Variants in RBFOX1 observed in about 807,000 individuals in gnomAD.
RBFOX1 encodes the protein RNA binding protein fox-1 homolog 1.
In RBFOX1, 8 loss-of-function variants were observed where a neutral mutation model predicts 57.7. The observed-to-expected ratio is 0.14, with a 90% CI of 0.08 to 0.25. The LOEUF is 0.25. Among genes scored for constraint, RBFOX1 ranks in the 10% least tolerant of loss-of-function variants. The probability of loss-of-function intolerance (pLI) is 1.00; values close to 1 mark genes in which losing one functional copy is unlikely to be tolerated. For synonymous variants in RBFOX1, 326 were observed against 222.4 expected, an observed-to-expected ratio of 1.47 and a Z score of -4.15; for missense variants, 611 against 548.5, an observed-to-expected ratio of 1.11 and a Z score of -1.14.
chr16:6,975,885 G>A (rs930429801), intron 3 of RBFOX1, among the ~76,000 whole-genome samples: 1 of 152,146 alleles, frequency 6.6e-6, no homozygotes, highest in Non-Finnish European at 1.5e-5. Flanking sequence ...GCAGCACTTT[G>A]GGAGGCTGAG....
At chr16:6,831,152 A>T (rs904882234) in intron 3 of RBFOX1, among the ~76,000 whole-genome samples, 1 of 152,190 alleles carries the variant, frequency 6.6e-6, no homozygotes, top group Non-Finnish European at 1.5e-5. Flanking sequence ...GGTTTTGCTC[A>T]TTATAATTTC....
At chr16:6,347,110 C>T (rs1382431729) in intron 2 of RBFOX1, among the ~76,000 whole-genome samples, 1 of 152,140 alleles carries the variant, frequency 6.6e-6, no homozygotes, top group Non-Finnish European at 1.5e-5. Flanking sequence ...CCATTTGATG[C>T]TTTCTCTTCA....
chr16:7,378,120 G>T (rs1321138001), intron 4 of RBFOX1, among the ~76,000 whole-genome samples: 2 of 152,360 alleles, frequency 1.3e-5, no homozygotes, highest in East Asian at 3.9e-4. Flanking sequence ...AAGTAGATCA[G>T]TCAGATGGAG....
intron 15 of RBFOX1, 31 bp downstream of exon 15, chr16:7,709,162 C>G (rs7196923): frequency 6.4e-7 from 1 of 1,561,288 alleles, no homozygotes; most frequent in Non-Finnish European, 8.8e-7. Flanking sequence ...GTCCTCACTT[C>G]CTCCTGCCTC....
intron 3 of RBFOX1, among the ~76,000 whole-genome samples, chr16:6,717,803 T>C (rs1053252095): frequency 6.6e-6 from 1 of 152,188 alleles, no homozygotes; most frequent in East Asian, 1.9e-4. Flanking sequence ...GCAGAAAATA[T>C]TGGGTACTTC....
Position 6,912,742 on chromosome 16 carries a change from T to A in RBFOX1, c.-15-139315T>A, listed in dbSNP as rs2072003375. ...AAGCAAGCCTACTACCTCAGCCTACTGAGTAGCTGGGACTATAGGCACATG... is the reference window on the plus strand; with the variant it reads ...AAGCAAGCCTACTACCTCAGCCTACAGAGTAGCTGGGACTATAGGCACATG... On this transcript the variant is annotated intron_variant, in intron 3 of 15. Coordinates refer to ENST00000550418, the MANE Select transcript of RBFOX1 (RefSeq NM_018723.4). Among the ~76,000 whole-genome samples the A allele has an allele frequency of 1.3e-5, 2 of 152,044 alleles. 1 individual carries two copies. The highest frequency in any genetic ancestry group is 3.9e-4 in the East Asian group (2 of 5,154).
chr16:6,363,423 A>G (rs2088980570), intron 2 of RBFOX1, among the ~76,000 whole-genome samples: 1 of 152,244 alleles, frequency 6.6e-6, no homozygotes, highest in African/African-American at 2.4e-5. Flanking sequence ...AATGAGGCAG[A>G]AATACTGTCA....
intron 3 of RBFOX1, among the ~76,000 whole-genome samples, chr16:6,936,256 C>G (rs1022628122): frequency 2.0e-5 from 3 of 152,108 alleles, no homozygotes; most frequent in Non-Finnish European, 4.4e-5. Flanking sequence ...GATATTAAGC[C>G]TAAATCAGAG....
intron 1 of RBFOX1, among the ~76,000 whole-genome samples, chr16:6,059,016 T>C (rs535617684): frequency 1.3e-5 from 2 of 152,362 alleles, no homozygotes; most frequent in African/African-American, 4.8e-5. Flanking sequence ...TGTGAAAGAA[T>C]GCCACATCTT....
intron 4 of RBFOX1, among the ~76,000 whole-genome samples, chr16:7,405,525 C>A (rs1264915955): frequency 6.6e-6 from 1 of 152,152 alleles, no homozygotes; most frequent in Non-Finnish European, 1.5e-5. Context: ...CCGGAGCAAC[C>A]CTCTTCCTTG....
rs1598948340 is a variant in RBFOX1 at position 6,527,987 on chromosome 16, C to G, written c.-63-126616C>G. 2.0e-5 allele frequency among the ~76,000 whole-genome samples: 3 copies of G among 152,278 alleles called. No individual in the cohort carries two copies. In the Middle Eastern group the frequency reaches 0.01, roughly 518 times the overall value. On this transcript the variant is annotated intron_variant, in intron 2 of 15. Transcript: ENST00000550418. ...TCATTTCCTATTCATGTTTCATGCTCTCCTTACCTGTGTGTTGATTTGCAT... is the reference window on the plus strand; with the variant it reads ...TCATTTCCTATTCATGTTTCATGCTGTCCTTACCTGTGTGTTGATTTGCAT...
At chr16:6,180,170 C>A (rs2097051501) in intron 1 of RBFOX1, among the ~76,000 whole-genome samples, 1 of 152,040 alleles carries the variant, frequency 6.6e-6, no homozygotes, top group South Asian at 2.1e-4. Context: ...CTCTTCTATT[C>A]TTTTGGAAGG....
chr16:7,385,453 A>T (rs891233581), intron 4 of RBFOX1, among the ~76,000 whole-genome samples: 1 of 152,174 alleles, frequency 6.6e-6, no homozygotes, highest in Admixed American at 6.5e-5. Context: ...CAGGATGGAG[A>T]GGTCGGGGCT....
chr16:6,885,976 A>G (rs1314518225), intron 3 of RBFOX1, among the ~76,000 whole-genome samples: 2 of 152,168 alleles, frequency 1.3e-5, no homozygotes, highest in African/African-American at 2.4e-5. Flanking sequence ...AGAATCACAA[A>G]CCACATGGAC....
chr16:7,646,551 A>C (rs2063777506), intron 11 of RBFOX1, among the ~76,000 whole-genome samples: 1 of 152,232 alleles, frequency 6.6e-6, no homozygotes. Flanking sequence ...AGCAGGACAA[A>C]GAGAGCCCCC....
chr16:7,077,801 A>C (rs1458645770), intron 4 of RBFOX1, among the ~76,000 whole-genome samples: 2 of 152,170 alleles, frequency 1.3e-5, no homozygotes, highest in African/African-American at 4.8e-5. Context: ...TGAGGTTTTG[A>C]TATAAACAAA....
Position 7,711,068 on chromosome 16 carries a change from A to T in RBFOX1, c.*323A>T, listed in dbSNP as rs2083933234. The stretch of plus-strand genomic sequence containing the variant: ...TCCAGAGTGCTATATTATGTAAATG[A>T]ATTATATATGCTGAATATTAAGCTA... On this transcript the variant is annotated 3_prime_UTR_variant, in exon 16 of 16. Coordinates refer to ENST00000550418, the MANE Select transcript of RBFOX1 (RefSeq NM_018723.4). The T allele has an allele frequency of 4.9e-6, 1 of 206,154 alleles. No homozygotes were observed. The highest frequency in any genetic ancestry group is 9.6e-6 in the Non-Finnish European group (1 of 104,550). The allele number at this position is 206,154 out of a possible 1,614,324, so 12.8% of individuals were successfully genotyped here.
chr16:6,948,742 C>T (rs1287860598), intron 3 of RBFOX1, among the ~76,000 whole-genome samples: 2 of 152,158 alleles, frequency 1.3e-5, no homozygotes, highest in Non-Finnish European at 2.9e-5. Context: ...GAAATGTTCA[C>T]TACTCCATTC....
intron 4 of RBFOX1, among the ~76,000 whole-genome samples, chr16:7,214,611 T>C (rs550866171): frequency 6.6e-6 from 1 of 152,194 alleles, no homozygotes; most frequent in African/African-American, 2.4e-5. Flanking sequence ...TAATAACTTT[T>C]AGTACAAATC....
Sources: gnomAD v4.1 joint callset for allele counts (sites outside exome capture counted in the v4.1 genomes callset) on GRCh38, gnomAD v4.1.1 for gene constraint, MANE v1.5 for transcripts, NCBI Gene and HGNC (gene_info 2026-07-23, HGNC 2026-07-21) for gene names.